The following ARHGEF11 variants were observed in gnomAD, a reference collection of about 807,000 sequenced individuals.
ARHGEF11 encodes Rho guanine nucleotide exchange factor 11, also known as Rho guanine exchange factor (GEF) 11.
In ARHGEF11, 55 loss-of-function variants were observed where a neutral mutation model predicts 193.7. The ratio of observed to expected loss-of-function variants is 0.28; its 90% CI spans 0.23 to 0.36. The LOEUF is 0.36. Among genes scored for constraint, ARHGEF11 ranks in the 10% least tolerant of loss-of-function variants. The pLI is 1.00. For synonymous variants in ARHGEF11, 693 were observed against 768.0 expected (o/e 0.90, Z 1.62); for missense variants, 1,723 against 2,005.6 (o/e 0.86, Z 2.69).
rs369218752 is a variant in ARHGEF11, at chr1:157,044,338, C to T, written c.-8G>A. 1.9e-5 allele frequency: 30 copies of T among 1,613,570 alleles called. No individual in the cohort carries two copies. Among genetic ancestry groups the T allele is most frequent in the Admixed American group, 8.3e-5 (5 of 59,972 alleles). On this transcript the variant is annotated 5_prime_UTR_variant, in exon 1 of 41. Transcript: ENST00000368194. The stretch of plus-strand genomic sequence containing the variant: ...GGGTAACCTTACACTCATGGTTTCT[C>T]GGTGTCTCCACGGTTCCAGAATCCT...
chr1:157,007,224 A>C (rs1288170584), intron 1 of ARHGEF11, among the ~76,000 whole-genome samples: 1 of 152,226 alleles, frequency 6.6e-6, no homozygotes, highest in Non-Finnish European at 1.5e-5. Flanking sequence ...GAAATGTGGA[A>C]GTTACAAAAG....
intron 22 of ARHGEF11, 111 bp downstream of exon 22, chr1:156,951,462 G>A (rs1659087921): frequency 6.9e-7 from 1 of 1,441,910 alleles, no homozygotes. Flanking sequence ...TGTAAAGGGA[G>A]CCTTAGAAGC....
chr1:156,989,817 C>T (rs531333003), intron 1 of ARHGEF11, among the ~76,000 whole-genome samples: 1 of 152,188 alleles, frequency 6.6e-6, no homozygotes, highest in Non-Finnish European at 1.5e-5. Flanking sequence ...TATCTACATG[C>T]CCTTCATTTA....
chr1:156,937,588 G>A, intron 38 of ARHGEF11, 92 bp from the exon 39 acceptor site: 1 of 1,376,740 alleles, frequency 7.3e-7, no homozygotes. Context: ...CCACCTGACA[G>A]AGCAGGCCAG....
chr1:156,958,058 T>C (rs535356044), intron 17 of ARHGEF11, among the ~76,000 whole-genome samples: 2 of 152,346 alleles, frequency 1.3e-5, no homozygotes, highest in South Asian at 2.1e-4. Flanking sequence ...ATTTTTACCC[T>C]GTCCTTAAAG....
intron 35 of ARHGEF11, 119 bp downstream of exon 35, chr1:156,941,253 A>T: frequency 1.1e-6 from 1 of 894,790 alleles, no homozygotes; most frequent in Non-Finnish European, 1.8e-6. Flanking sequence ...TCTACTCTTT[A>T]TCAAAACCTC....
intron 12 of ARHGEF11, 44 bp downstream of exon 12, chr1:156,963,476 T>C: frequency 6.3e-7 from 1 of 1,596,848 alleles, no homozygotes; most frequent in African/African-American, 1.4e-5. Flanking sequence ...GCAGCTTGTA[T>C]GACAAAAAAA....
chr1:157,015,712 G>C (rs1280195902), intron 1 of ARHGEF11, among the ~76,000 whole-genome samples: 1 of 152,230 alleles, frequency 6.6e-6, no homozygotes, highest in African/African-American at 2.4e-5. Context: ...TGCAGCACAG[G>C]CATGTGTGGA....
In ARHGEF11 at chr1:156,936,961, T is replaced by A; in HGVS notation, c.4485A>T (p.Gly1495=). The A allele has an allele frequency of 1.2e-6, 2 of 1,613,890 alleles. No homozygotes were observed. Among genetic ancestry groups the A allele is most frequent in the Non-Finnish European group, 1.7e-6 (2 of 1,179,942 alleles). Residue 1495 remains glycine, a synonymous_variant, in exon 40 of 41, where the codon GGA becomes GGT. Transcript: ENST00000368194. ...CAGGCGTGGTGCCACCAGATGACTC[T>A]CCCCCAAGGGACTTGAGCAGCTCTC... ...AHRELLKSLG[G]ESSGGTTPVG... is the part of the protein sequence containing the mutation.
At chr1:156,963,747 G>C (rs1465439701) in intron 11 of ARHGEF11, 153 bp from the exon 12 acceptor site, 3 of 1,452,142 alleles carry the variant, frequency 2.1e-6, no homozygotes, top group Non-Finnish European at 2.7e-6. Context: ...CAAAATCAGA[G>C]CACAGATGAA....
intron 1 of ARHGEF11, among the ~76,000 whole-genome samples, chr1:157,025,123 G>C (rs1211844123): frequency 6.6e-6 from 1 of 152,206 alleles, no homozygotes; most frequent in East Asian, 1.9e-4. Context: ...AATAAGACTT[G>C]CAAGTAAAAT....
chr1:156,977,016 C>G lies in ARHGEF11; in HGVS notation c.549G>C (p.Arg183Ser). The change falls in exon 7 of 41, where the codon AGG becomes AGC. Residue 183 changes from arginine to serine, a missense_variant. Arg to Ser is a moderately radical substitution (Grantham distance 110). Coordinates refer to ENST00000368194, the MANE Select transcript of ARHGEF11 (RefSeq NM_198236.3). ...EVQKHATQIL[R>S]NMLRQEEKEL... ...CTTTTTCTTCCTGCCTCAGCATATTCCTGAGGATCTGGGTGGCATGTTTTT... is the reference window on the plus strand; with the variant it reads ...CTTTTTCTTCCTGCCTCAGCATATTGCTGAGGATCTGGGTGGCATGTTTTT... The G allele has an allele frequency of 3.1e-6, 5 of 1,613,938 alleles. No individual in the cohort carries two copies. Among genetic ancestry groups the G allele is most frequent in the Non-Finnish European group, 4.2e-6 (5 of 1,179,928 alleles).
intron 2 of ARHGEF11, among the ~76,000 whole-genome samples, chr1:156,984,833 T>C (rs1165474554): frequency 6.6e-6 from 1 of 152,004 alleles, no homozygotes; most frequent in Admixed American, 6.6e-5. Context: ...AGCCTAGAAG[T>C]TACATGTTAA....
Position 156,961,743 on chromosome 1 carries a change from C to T in ARHGEF11, c.1173G>A (p.Gln391=). 8.1e-6 allele frequency: 13 copies of T among 1,614,212 alleles called. No individual in the cohort carries two copies. The highest frequency in any genetic ancestry group is 1.0e-5 in the Non-Finnish European group (12 of 1,180,040). Residue 391 remains glutamine (Q), a synonymous_variant, in exon 14 of 41, where the codon CAG becomes CAA. Transcript: ENST00000368194. The part of the protein sequence containing the change: ...LFYLCAEVYQ[Q]ASPKDSRSLG... ...AGCTTCGGGAATCCTTGGGGCTTGC[C>T]TGCTGATAAACTTCTGCACACAGGT...
chr1:156,973,889 C>T (rs903868551), intron 7 of ARHGEF11, among the ~76,000 whole-genome samples: 1 of 152,164 alleles, frequency 6.6e-6, no homozygotes, highest in Non-Finnish European at 1.5e-5. Context: ...ATAGCCTCCT[C>T]GATGGTTTCC....
chr1:156,970,608 C>A (rs1354897497), intron 8 of ARHGEF11, among the ~76,000 whole-genome samples: 1 of 152,130 alleles, frequency 6.6e-6, no homozygotes, highest in East Asian at 1.9e-4. Context: ...AGTAACTTGC[C>A]CAAGATACAC....
rs1333083907 is a variant in ARHGEF11, at chr1:156,947,384, C to T, written c.2408G>A (p.Arg803Gln). 8.7e-6 allele frequency: 14 copies of T among 1,613,882 alleles called. No individual in the cohort carries two copies. The highest frequency in any genetic ancestry group is 1.1e-5 in the Non-Finnish European group (13 of 1,180,010). The change falls in exon 26 of 41, where the codon CGA becomes CAA. Residue 803 changes from arginine (R) to glutamine (Q), a missense_variant. This residue lies in a region of ARHGEF11 where 491 missense variants were observed against 654.5 expected (regional missense o/e 0.75). Coordinates refer to ENST00000368194, the MANE Select transcript of ARHGEF11 (RefSeq NM_198236.3). ...LRVLDLIFYQ[R>Q]MKKENLMPRE... ...GGGCATCAGGTTCTCCTTCTTCATT[C>T]GCTGGTAGAAGATCAGGTCCAGGAC...
chr1:157,024,572 C>T (rs1670419695), intron 1 of ARHGEF11, among the ~76,000 whole-genome samples: 1 of 152,162 alleles, frequency 6.6e-6, no homozygotes, highest in East Asian at 1.9e-4. Flanking sequence ...AACTCGCTAA[C>T]CTCAAAAAAC....
intron 37 of ARHGEF11, chr1:156,938,720 G>A: frequency 1.9e-6 from 1 of 513,366 alleles, no homozygotes; most frequent in Non-Finnish European, 3.4e-6. Context: ...AGAGAAGGAA[G>A]GTCAGTTCCC....
Sources: gnomAD v4.1 joint callset for allele counts (sites outside exome capture counted in the v4.1 genomes callset) on GRCh38, gnomAD v4.1.1 for gene constraint, gnomAD v4.1.1 regional missense constraint, MANE v1.5 for transcripts, NCBI Gene and HGNC (gene_info 2026-07-23, HGNC 2026-07-21) for gene names.